The following ATP2B2 variants were observed in gnomAD, a reference collection of about 807,000 sequenced individuals.
ATP2B2 encodes the protein plasma membrane calcium-transporting ATPase 2.
A neutral mutation model predicts 120.0 loss-of-function variants in ATP2B2; 15 were observed. The ratio of observed to expected loss-of-function variants is 0.12; its 90% CI spans 0.08 to 0.19. The LOEUF is 0.19. Ranked by LOEUF, ATP2B2 falls within the 10% of genes least tolerant of loss-of-function variation. The pLI is 1.00. For missense variants in ATP2B2, 1,045 were observed against 1,719.8 expected (o/e 0.61, Z 6.94); for synonymous variants, 694 against 700.3 (o/e 0.99, Z 0.14).
chr3:10,468,089 T>G (rs2064826415), intron 1 of ATP2B2, among the ~76,000 whole-genome samples: 1 of 152,050 alleles, frequency 6.6e-6, no homozygotes, highest in African/African-American at 2.4e-5. Flanking sequence ...TGCCCCTTGG[T>G]GGAGATGCCA....
chr3:10,385,152 G>T lies in ATP2B2; in HGVS notation c.1000+116C>A, dbSNP rs1244265530. The stretch of plus-strand genomic sequence containing the variant: ...ATGTGAGAAGGTGACTGTCCCAGCG[G>T]CCCATGCACATCCGAGATCTGTGCA... On this transcript the variant is annotated intron_variant, in intron 8 of 22. Coordinates refer to ENST00000360273, the MANE Select transcript of ATP2B2 (RefSeq NM_001001331.4). 3.9e-6 allele frequency: 4 copies of T among 1,032,904 alleles called. No homozygotes were observed. The East Asian group carries it at 7.5e-5, about 19-fold the overall frequency. 64.0% of individuals were successfully genotyped at this position (1,032,904 alleles called of 1,614,324 possible).
chr3:10,591,413 C>A (rs753361871), intron 2 of ATP2B2, among the ~76,000 whole-genome samples: 19 of 152,156 alleles, frequency 1.2e-4, no homozygotes, highest in Non-Finnish European at 2.2e-4. Context: ...CACTAGCTGA[C>A]CCCCATGGCC....
At chr3:10,513,181 G>C (rs1171881040) in intron 3 of ATP2B2, among the ~76,000 whole-genome samples, 2 of 152,100 alleles carry the variant, frequency 1.3e-5, no homozygotes, top group Admixed American at 6.5e-5. Context: ...CGGTGTCTCT[G>C]GCAAGAGCAG....
chr3:10,413,483 G>A (rs2062682348), intron 2 of ATP2B2, among the ~76,000 whole-genome samples: 1 of 152,260 alleles, frequency 6.6e-6, no homozygotes, highest in Non-Finnish European at 1.5e-5. Flanking sequence ...TCATTTCACA[G>A]ATGGGGAGAC....
At chr3:10,366,995 G>C (rs943733560) in intron 12 of ATP2B2, among the ~76,000 whole-genome samples, 1 of 152,220 alleles carries the variant, frequency 6.6e-6, no homozygotes. Flanking sequence ...CACAGGGTGG[G>C]GCTGGGCCCC....
rs142803601 is a variant in ATP2B2, at chr3:10,589,648, C to T, written c.-415+30269G>A. ...AGTTTTCCAAATGGGATCATAGACC[C>T]AGCCCTTGATGAAATCATGTGCAAA... On this transcript the variant is annotated intron_variant, in intron 2 of 21. Transcript: ENST00000646379. 5.3e-4 allele frequency among the ~76,000 whole-genome samples: 80 copies of T among 152,300 alleles called. 2 individuals carry two copies. In the East Asian group the frequency reaches 0.013, roughly 25 times the overall value.
chr3:10,644,556 A>G (rs887246605), intron 1 of ATP2B2, among the ~76,000 whole-genome samples: 1 of 152,266 alleles, frequency 6.6e-6, no homozygotes, highest in African/African-American at 2.4e-5. Flanking sequence ...TGATGTGTAC[A>G]TGCAATGGAA....
intron 5 of ATP2B2, among the ~76,000 whole-genome samples, chr3:10,389,067 A>G (rs985845101): frequency 3.3e-5 from 5 of 152,146 alleles, no homozygotes; most frequent in African/African-American, 1.2e-4. Context: ...ATACCAGACT[A>G]CTCCAGGGGT....
At chr3:10,696,274 T>C (rs2071740474) in intron 1 of ATP2B2, among the ~76,000 whole-genome samples, 2 of 152,356 alleles carry the variant, frequency 1.3e-5, no homozygotes, top group African/African-American at 2.4e-5. Flanking sequence ...CATAGACATG[T>C]TCTCCGGCAT....
chr3:10,536,205 T>C (rs1018003509), intron 2 of ATP2B2, among the ~76,000 whole-genome samples: 7 of 152,214 alleles, frequency 4.6e-5, no homozygotes, highest in African/African-American at 1.7e-4. Flanking sequence ...CATTTTTAAA[T>C]TGGATTTTTA....
At chr3:10,512,495 C>CAG (rs2066790789) in intron 3 of ATP2B2, among the ~76,000 whole-genome samples, 5 of 151,930 alleles carry the variant, frequency 3.3e-5, no homozygotes, top group African/African-American at 1.2e-4. Flanking sequence ...CACACACACA[C>CAG]ACACACACAC....
At chr3:10,418,942 C>T (rs1327664062) in intron 2 of ATP2B2, among the ~76,000 whole-genome samples, 1 of 152,130 alleles carries the variant, frequency 6.6e-6, no homozygotes, top group Non-Finnish European at 1.5e-5. Context: ...TCTGCAGGGC[C>T]GGGGGCCATC....
At chr3:10,523,135 T>C (rs1183354407) in intron 3 of ATP2B2, among the ~76,000 whole-genome samples, 1 of 152,240 alleles carries the variant, frequency 6.6e-6, no homozygotes, top group Non-Finnish European at 1.5e-5. Flanking sequence ...TGACAATGGC[T>C]GGTTTTTATT....
intron 11 of ATP2B2, among the ~76,000 whole-genome samples, chr3:10,374,049 A>C (rs551746732): frequency 1.3e-5 from 2 of 152,320 alleles, no homozygotes; most frequent in African/African-American, 4.8e-5. Flanking sequence ...TTATCAAGTG[A>C]CTGTAAAAGT....
In ATP2B2 at chr3:10,402,388, A is replaced by G. The variant is rs1171135132; in HGVS notation, c.398-40T>C. 10 of 1,608,776 alleles carry G rather than the reference A, an allele frequency of 6.2e-6. No individual in the cohort carries two copies. Among genetic ancestry groups the G allele is most frequent in the African/African-American group, 1.3e-5 (1 of 74,936 alleles). ...AGAAGCAGGCAGAGTGAGGTCAACC[A>G]GACAGGAGAGGCCTCATGGGCCTGG... is the stretch of plus-strand genomic sequence containing the variant. On this transcript the variant is annotated intron_variant, in intron 3 of 22. Transcript: ENST00000360273. The surrounding 1 kb of genome is among the most constrained non-coding windows in gnomAD (Gnocchi z 4.9).
At chr3:10,394,789 G>T (rs535192681) in intron 5 of ATP2B2, among the ~76,000 whole-genome samples, 2 of 152,072 alleles carry the variant, frequency 1.3e-5, no homozygotes, top group South Asian at 4.2e-4. Flanking sequence ...GGGTGTGTCG[G>T]GGTCTCGCGG....
chr3:10,488,685 T>C (rs2065822002), intron 1 of ATP2B2, among the ~76,000 whole-genome samples: 1 of 152,148 alleles, frequency 6.6e-6, no homozygotes, highest in African/African-American at 2.4e-5. Flanking sequence ...AATACCTCCT[T>C]GCAAATCCTG....
chr3:10,423,799 T>C (rs2063065795), intron 2 of ATP2B2, among the ~76,000 whole-genome samples: 1 of 152,176 alleles, frequency 6.6e-6, no homozygotes, highest in African/African-American at 2.4e-5. Flanking sequence ...CTGCACGTGG[T>C]GCCCCTTCCC....
At chr3:10,600,884 C>T (rs2068890647) in intron 2 of ATP2B2, among the ~76,000 whole-genome samples, 1 of 152,132 alleles carries the variant, frequency 6.6e-6, no homozygotes, top group Admixed American at 6.5e-5. Context: ...ACATGGCGGT[C>T]AGGCAAAAGC....
Sources: gnomAD v4.1 joint callset for allele counts (sites outside exome capture counted in the v4.1 genomes callset) on GRCh38, gnomAD v4.1.1 for gene constraint, Gnocchi (gnomAD v3.1) non-coding constraint, MANE v1.5 for transcripts, NCBI Gene and HGNC (gene_info 2026-07-23, HGNC 2026-07-21) for gene names.